The following MGST2 variants were observed in gnomAD, a reference collection of about 807,000 sequenced individuals.
MGST2 encodes microsomal glutathione S-transferase 2.
In MGST2, 9 loss-of-function variants were observed where a neutral mutation model predicts 16.6. The ratio of observed to expected loss-of-function variants is 0.54; its 90% CI spans 0.33 to 0.95. The LOEUF is 0.95. Among genes scored for constraint, MGST2 ranks in the 40% least tolerant of loss-of-function variants. The probability of loss-of-function intolerance (pLI) is 0.03; values close to 1 mark genes in which losing one functional copy is unlikely to be tolerated. For synonymous variants in MGST2, 79 were observed against 68.0 expected, an observed-to-expected ratio of 1.16 and a Z score of -0.79; for missense variants, 159 against 175.1, an observed-to-expected ratio of 0.91 and a Z score of 0.52.
chr4:139,745,052 T>A (rs563925882), downstream of MGST2, among the ~76,000 whole-genome samples: 21 of 152,326 alleles, frequency 1.4e-4, no homozygotes, highest in East Asian at 7.7e-4. Context: ...TTTCTCTGGT[T>A]CCACTTGGAA....
downstream of MGST2, among the ~76,000 whole-genome samples, chr4:139,708,669 A>G (rs1295037938): frequency 1.3e-5 from 2 of 152,148 alleles, no homozygotes; most frequent in African/African-American, 4.8e-5. Context: ...ATAAAAACCA[A>G]ATGGCAATGT....
chr4:139,702,454 C>T (rs924592648), intron 3 of MGST2, among the ~76,000 whole-genome samples: 2 of 152,164 alleles, frequency 1.3e-5, no homozygotes, highest in Admixed American at 1.3e-4. Flanking sequence ...TATAATGCTT[C>T]ATTCACTCAG....
At chr4:139,698,236 C>G (rs1727035408) in intron 3 of MGST2, 1 of 1,172,054 alleles carries the variant, frequency 8.5e-7, no homozygotes, top group East Asian at 2.4e-5. Flanking sequence ...AGGTTGGTGT[C>G]TTCAAAAAGG....
chr4:139,703,424 C>T (rs201152335), intron 3 of MGST2, 31 bp from the exon 4 acceptor site: 1 of 1,580,772 alleles, frequency 6.3e-7, no homozygotes, highest in Non-Finnish European at 8.7e-7. Context: ...GTATTTTGTG[C>T]CTTTTCTTTT....
intron 1 of MGST2, among the ~76,000 whole-genome samples, chr4:139,668,611 GAGAGGA>G (rs1560732736): frequency 1.4e-5 from 2 of 146,926 alleles, no homozygotes; most frequent in Non-Finnish European, 3.0e-5. Flanking sequence ...GAGAGAGAGA[GAGAGGA>G]GGGGGAGGGG....
intron 1 of MGST2, among the ~76,000 whole-genome samples, chr4:139,676,528 G>C (rs1025152854): frequency 6.6e-6 from 1 of 152,144 alleles, no homozygotes; most frequent in African/African-American, 2.4e-5. Flanking sequence ...CTCTTTGGGG[G>C]ACCTCAGTCT....
intron 5 of MGST2, among the ~76,000 whole-genome samples, chr4:139,733,294 G>T (rs1254085420): frequency 1.3e-5 from 2 of 152,220 alleles, no homozygotes; most frequent in Non-Finnish European, 2.9e-5. Context: ...CCCAAGGGAA[G>T]ATAAAGTTTT....
chr4:139,728,240 G>T (rs1728556168), intron 5 of MGST2, among the ~76,000 whole-genome samples: 2 of 152,004 alleles, frequency 1.3e-5, no homozygotes, highest in South Asian at 4.2e-4. Flanking sequence ...AAAAAAAGTT[G>T]AGCACTTACT....
chr4:139,714,739 C>T (rs1432048225), intron 5 of MGST2, among the ~76,000 whole-genome samples: 3 of 151,968 alleles, frequency 2.0e-5, no homozygotes, highest in African/African-American at 4.8e-5. Flanking sequence ...AAAACATTGC[C>T]TGTGGCAGGG....
At chr4:139,707,978 T>A, downstream of MGST2, among the ~76,000 whole-genome samples, 1 of 152,110 alleles carries the variant, frequency 6.6e-6, no homozygotes, top group South Asian at 2.1e-4. Flanking sequence ...ATGAGTAGGT[T>A]GCAAAAATTT....
At position 139,697,692 on chromosome 4, in the gene MGST2, T is replaced by G. The variant is rs1197896856; in HGVS notation, c.229+2425T>G. Among the ~76,000 whole-genome samples the G allele has an allele frequency of 2.0e-5, 3 of 152,210 alleles. No individual in the cohort carries two copies. The East Asian group carries it at 5.8e-4, about 29-fold the overall frequency. On this transcript the variant is annotated intron_variant, in intron 3 of 4. Coordinates refer to ENST00000265498, the MANE Select transcript of MGST2 (RefSeq NM_002413.5). ...CAGAAGACAGACAACATTAAAAACATGTACTTGCATGTAGGACAACTCAGT... is the reference window on the plus strand; with the variant it reads ...CAGAAGACAGACAACATTAAAAACAGGTACTTGCATGTAGGACAACTCAGT...
intron 1 of MGST2, among the ~76,000 whole-genome samples, chr4:139,676,462 G>A (rs775423193): frequency 6.6e-6 from 1 of 152,160 alleles, no homozygotes; most frequent in Non-Finnish European, 1.5e-5. Flanking sequence ...AGGCTGGTAG[G>A]CAAAAGTTGA....
the MGST2 span, among the ~76,000 whole-genome samples, chr4:139,746,553 C>T: frequency 4.6e-5 from 7 of 152,296 alleles, no homozygotes; most frequent in South Asian, 1.2e-3. Context: ...CCTATTTGTT[C>T]TGTCTTCTAA....
At chr4:139,704,621 A>G (rs949047681), downstream of MGST2, among the ~76,000 whole-genome samples, 1 of 152,184 alleles carries the variant, frequency 6.6e-6, no homozygotes, top group Non-Finnish European at 1.5e-5. Flanking sequence ...TGATAGCACA[A>G]AACAAAACAG....
At chr4:139,753,733 C>T in the MGST2 span, among the ~76,000 whole-genome samples, 1 of 152,136 alleles carries the variant, frequency 6.6e-6, no homozygotes. Context: ...CAAAGCTTAG[C>T]CCCACTCATT....
chr4:139,725,832 A>C, intron 5 of MGST2: 1 of 1,613,810 alleles, frequency 6.2e-7, no homozygotes. Flanking sequence ...GATTGCTGCA[A>C]CTGCTAGAAC....
chr4:139,705,377 G>A (rs1416144618), downstream of MGST2, among the ~76,000 whole-genome samples: 1 of 152,200 alleles, frequency 6.6e-6, no homozygotes, highest in Non-Finnish European at 1.5e-5. Context: ...TCTTTATGCT[G>A]CCTCAGAGGT....
At chr4:139,748,664 A>C in the MGST2 span, among the ~76,000 whole-genome samples, 1 of 152,112 alleles carries the variant, frequency 6.6e-6, no homozygotes, top group South Asian at 2.1e-4. Flanking sequence ...TCTATAGTCT[A>C]TATGTTTCTG....
At chr4:139,754,252 CAT>C in the MGST2 span, among the ~76,000 whole-genome samples, 39 of 152,314 alleles carry the variant, frequency 2.6e-4, no homozygotes, top group South Asian at 7.7e-3. Flanking sequence ...ATTTTAATCA[CAT>C]GTTTATGTTC....
Sources: allele counts gnomAD v4.1 joint callset (sites outside exome capture counted in the v4.1 genomes callset), GRCh38; gene constraint gnomAD v4.1.1; transcripts MANE v1.5; gene names NCBI Gene and HGNC (gene_info 2026-07-23, HGNC 2026-07-21).